The following TTC27 variants were observed in gnomAD, a reference collection of about 807,000 sequenced individuals.
TTC27 encodes the protein tetratricopeptide repeat protein 27.
A neutral mutation model predicts 115.9 loss-of-function variants in TTC27; 79 were observed. The observed-to-expected ratio is 0.68, with a 90% confidence interval of 0.57 to 0.82. The LOEUF (loss-of-function observed/expected upper bound fraction) is 0.82, where lower values mean the gene tolerates loss of function less well. TTC27 is among the 40% of genes least tolerant of loss of function. The pLI is 0.00. For missense variants in TTC27, 1,054 were observed against 993.1 expected (o/e 1.06, Z -0.82); for synonymous variants, 401 against 356.0 (o/e 1.13, Z -1.42).
intron 4 of TTC27, among the ~76,000 whole-genome samples, chr2:32,644,917 A>G (rs1485927759): frequency 8.4e-6 from 1 of 119,178 alleles, no homozygotes; most frequent in African/African-American, 3.2e-5. Flanking sequence ...TGTGTTGTCC[A>G]GGATGGCCTT....
At chr2:32,628,573 C>T (rs924753994) in intron 1 of TTC27, among the ~76,000 whole-genome samples, 193 bp downstream of exon 1, 3 of 152,118 alleles carry the variant, frequency 2.0e-5, no homozygotes, top group African/African-American at 7.2e-5. Context: ...TCTTACCGCC[C>T]AGGTTCAGTA....
At chr2:32,793,091 T>C (rs980419636) in intron 16 of TTC27, among the ~76,000 whole-genome samples, 1 of 152,146 alleles carries the variant, frequency 6.6e-6, no homozygotes, top group Non-Finnish European at 1.5e-5. Flanking sequence ...TTATATGAAC[T>C]CAGTGGGATA....
intron 16 of TTC27, among the ~76,000 whole-genome samples, chr2:32,800,287 A>G (rs1382236493): frequency 6.6e-6 from 1 of 151,970 alleles, no homozygotes; most frequent in Non-Finnish European, 1.5e-5. Context: ...TCCCAGGTTC[A>G]AGTGATTCTC....
Position 32,787,168 on chromosome 2 carries a change from G to A in TTC27, c.1998+19G>A, listed in dbSNP as rs778090370. 14 of 1,594,524 alleles carry A rather than the reference G, an allele frequency of 8.8e-6. 1 individual carries two copies. Among genetic ancestry groups the A allele is most frequent in the Middle Eastern group, 1.7e-4 (1 of 5,994 alleles). ...TGTTCAGGTAGGATATTCCTATTCC[G>A]TTATTTCAGTTTGTGTTTGATACTA... On this transcript the variant is annotated intron_variant, in intron 16 of 19. Transcript: ENST00000317907.
intron 9 of TTC27, among the ~76,000 whole-genome samples, chr2:32,680,643 G>C (rs1209323526): frequency 1.3e-5 from 2 of 152,116 alleles, no homozygotes; most frequent in Non-Finnish European, 2.9e-5. Context: ...GGACTGGATG[G>C]GGACAAGTGT....
In TTC27 at chr2:32,628,161, C is replaced by T. The variant is rs1300703182; in HGVS notation, c.-132C>T. On this transcript the variant is annotated 5_prime_UTR_variant, in exon 1 of 20. Coordinates refer to ENST00000317907, the MANE Select transcript of TTC27 (RefSeq NM_017735.5). ...AGTATCCGCACATGGAATTCTAGGG[C>T]CGCAGGTGTATTTACGGTAACTGTC... 4 of 800,192 alleles carry T rather than the reference C, an allele frequency of 5.0e-6. No individual in the cohort carries two copies. The highest frequency in any genetic ancestry group is 1.7e-5 in the African/African-American group (1 of 57,196). The allele number at this position is 800,192 out of a possible 1,614,324, so 49.6% of individuals were successfully genotyped here. A position where few individuals can be genotyped will look rare whatever the true frequency, so the allele number is the denominator to read the frequency against.
chr2:32,779,604 T>C (rs79392769), intron 14 of TTC27, among the ~76,000 whole-genome samples: 1,776 of 152,194 alleles, frequency 0.012, 24 homozygotes, highest in Non-Finnish European at 0.017. Context: ...TTTTTTTTTT[T>C]TCTCTCTATT....
chr2:32,709,947 A>C (rs1039720266), intron 10 of TTC27, among the ~76,000 whole-genome samples: 7 of 152,264 alleles, frequency 4.6e-5, no homozygotes, highest in African/African-American at 1.7e-4. Flanking sequence ...GGAAATACAC[A>C]TAATACTTTT....
At chr2:32,666,528 G>A (rs999457340) in intron 6 of TTC27, 107 bp from the exon 7 acceptor site, 3 of 1,202,992 alleles carry the variant, frequency 2.5e-6, no homozygotes, top group Non-Finnish European at 3.3e-6. Flanking sequence ...ATGTGAAATG[G>A]AGAAAATACC....
chr2:32,766,457 T>G (rs1253297903), intron 13 of TTC27: 3 of 443,898 alleles, frequency 6.8e-6, no homozygotes, highest in Non-Finnish European at 1.4e-5. Flanking sequence ...TTCAATATTG[T>G]TGTGTCTTAG....
chr2:32,672,187 C>T, intron 7 of TTC27, 85 bp from the exon 8 acceptor site: 6 of 936,458 alleles, frequency 6.4e-6, no homozygotes, highest in South Asian at 1.6e-5. Flanking sequence ...TAACTTTATC[C>T]TTTCTAGCAA....
chr2:32,736,655 C>G, intron 11 of TTC27, 39 bp from the exon 12 acceptor site: 1 of 1,611,890 alleles, frequency 6.2e-7, no homozygotes, highest in East Asian at 2.2e-5. Context: ...TCTCTTTTTA[C>G]ACCAAGAAGT....
chr2:32,735,886 G>C (rs369838324), intron 11 of TTC27, among the ~76,000 whole-genome samples: 3 of 151,880 alleles, frequency 2.0e-5, no homozygotes, highest in Non-Finnish European at 2.9e-5. Flanking sequence ...TTGATAATCT[G>C]TAGCTTATAA....
chr2:32,711,349 C>T lies in TTC27; in HGVS notation c.1233+8429C>T, dbSNP rs576251415. Among the ~76,000 whole-genome samples the T allele has an allele frequency of 1.3e-4, 20 of 152,244 alleles. No homozygotes were observed. The South Asian group carries it at 1.5e-3, about 11-fold the overall frequency. Reference sequence around the variant, plus strand: ...TAGAAAATTCTCTTTACTTCCCCAACGCAGAAATCTTGGAAATTAGTCAGA... The same window carrying T: ...TAGAAAATTCTCTTTACTTCCCCAATGCAGAAATCTTGGAAATTAGTCAGA... On this transcript the variant is annotated intron_variant, in intron 10 of 19. Transcript: ENST00000317907.
At chr2:32,675,785 C>CT (rs377074857) in intron 8 of TTC27, among the ~76,000 whole-genome samples, 4,216 of 146,912 alleles carry the variant, frequency 0.029, 79 homozygotes, top group Middle Eastern at 0.042. Context: ...AAGGTGAATT[C>CT]TTTTTTTTTT....
intron 16 of TTC27, among the ~76,000 whole-genome samples, chr2:32,798,713 A>AAAAAAAAAAAAAT (rs1368512271): frequency 3.5e-5 from 5 of 142,346 alleles, no homozygotes; most frequent in African/African-American, 1.4e-4. Context: ...TCAAAAAAAA[A>AAAAAAAAAAAAAT]AATAATAATA....
chr2:32,673,370 G>A (rs546105580), intron 8 of TTC27, among the ~76,000 whole-genome samples: 11 of 151,920 alleles, frequency 7.2e-5, no homozygotes, highest in African/African-American at 2.2e-4. Context: ...GATTACAGGC[G>A]CACACCACCA....
chr2:32,794,145 TA>T (rs1670626304), intron 16 of TTC27, among the ~76,000 whole-genome samples: 1 of 152,204 alleles, frequency 6.6e-6, no homozygotes, highest in Non-Finnish European at 1.5e-5. Flanking sequence ...AACAACAGCA[TA>T]CGTATTCTTC....
At chr2:32,817,689 C>T (rs1161390640) in intron 19 of TTC27, 132 bp downstream of exon 19, 1 of 782,350 alleles carries the variant, frequency 1.3e-6, no homozygotes, top group Non-Finnish European at 2.1e-6. Context: ...TAGCAGCCCC[C>T]TCATGGTTGG....
Sources: gnomAD v4.1 joint callset for allele counts (sites outside exome capture counted in the v4.1 genomes callset) on GRCh38, gnomAD v4.1.1 for gene constraint, MANE v1.5 for transcripts, NCBI Gene and HGNC (gene_info 2026-07-23, HGNC 2026-07-21) for gene names.